ZNF335: variants seen among roughly 807,000 people sequenced by gnomAD.
ZNF335 encodes the protein zinc finger protein 335, also known as NRC-interacting factor 1.
ZNF335 carries 84 observed loss-of-function variants against 145.6 expected under a neutral mutation model. The observed-to-expected ratio is 0.58, with a 90% CI of 0.48 to 0.69. The LOEUF is 0.69. Ranked by LOEUF, ZNF335 falls within the 30% of genes least tolerant of loss-of-function variation. The probability of loss-of-function intolerance (pLI) is 0.00; values close to 1 mark genes in which losing one functional copy is unlikely to be tolerated. For missense variants in ZNF335, 1,865 were observed against 1,809.7 expected (o/e 1.03, Z -0.55); for synonymous variants, 761 against 717.0 (o/e 1.06, Z -0.98).
chr20:45,956,642 C>T (rs2083733950), intron 17 of ZNF335, among the ~76,000 whole-genome samples: 1 of 151,890 alleles, frequency 6.6e-6, no homozygotes. Flanking sequence ...TAGAAACAGA[C>T]TCCTACATAT....
intron 9 of ZNF335, among the ~76,000 whole-genome samples, chr20:45,962,517 C>T (rs371041509): frequency 1.3e-5 from 2 of 152,196 alleles, no homozygotes; most frequent in South Asian, 2.1e-4. Context: ...CACTGCGTCA[C>T]GAGACATCTT....
In ZNF335 at chr20:45,949,977, C is replaced by T. The variant is rs1277003347; in HGVS notation, c.3580G>A (p.Val1194Met). Residue 1194 changes from valine (V) to methionine (M), a missense_variant, in exon 23 of 28, where the codon GTG becomes ATG. Coordinates refer to ENST00000322927, the MANE Select transcript of ZNF335 (RefSeq NM_022095.4). ...EHIIVAQEQT[V>M]TNQEEAAYIQ... ...GTCCTGACTCTTACCTGATTGGTCA[C>T]TGTCTGTTCCTGGGCAACGATGATG... The T allele has an allele frequency of 1.9e-6, 3 of 1,614,038 alleles. No homozygotes were observed. Among genetic ancestry groups the T allele is most frequent in the East Asian group, 2.2e-5 (1 of 44,902 alleles).
rs746526831 is a variant in ZNF335, at chr20:45,950,601, G to A, written c.3190-6C>T. Reference sequence around the variant, plus strand: ...GAGTGCTGTGCCATGTGCGCCTGCAGAGAGGGCAGAGTTGGGGGCATTGGC... The same window carrying A: ...GAGTGCTGTGCCATGTGCGCCTGCAAAGAGGGCAGAGTTGGGGGCATTGGC... On this transcript the variant is annotated splice_region_variant and splice_polypyrimidine_tract_variant and intron_variant, in intron 20 of 27. Transcript: ENST00000322927. The A allele has an allele frequency of 5.0e-5, 81 of 1,613,558 alleles. No homozygotes were observed. The South Asian group carries it at 8.2e-4, about 16-fold the overall frequency.
chr20:45,969,815 T>C (rs765883950), intron 2 of ZNF335, 124 bp from the exon 3 acceptor site: 2 of 1,367,910 alleles, frequency 1.5e-6, no homozygotes, highest in Non-Finnish European at 2.0e-6. Flanking sequence ...GAGCCACTCA[T>C]GCCCTCAGCC....
rs760722302 is a variant in ZNF335, at chr20:45,952,357, A to T, written c.2979T>A (p.Pro993=). The change falls in exon 20 of 28, where the codon CCT becomes CCA. Residue 993 remains proline (P), a synonymous_variant. Coordinates refer to ENST00000322927, the MANE Select transcript of ZNF335 (RefSeq NM_022095.4). ...VGDSQSSASS[P]PATSKALGLA... is the part of the protein sequence containing the mutation. ...GGCCCAGGGCTTTGCTGGTTGCAGG[A>T]GGTGAGGAGGCAGAGCTCTGGGAGT... The T allele has an allele frequency of 1.1e-5, 17 of 1,612,050 alleles. No individual in the cohort carries two copies. Among genetic ancestry groups the T allele is most frequent in the Non-Finnish European group, 1.4e-5 (16 of 1,179,200 alleles).
In ZNF335 at chr20:45,965,652, G is replaced by C; in HGVS notation, c.1078C>G (p.Leu360Val). ...RPGRPRKLPR[L>V]EISDLPDGVE... ...CCATCTGGGAGGTCTGAGATCTCCA[G>C]GCGGGGCAGCTTCCGGGGCCGGCCA... Residue 360 changes from leucine to valine, a missense_variant, in exon 7 of 28, where the codon CTG becomes GTG. Transcript: ENST00000322927. 1 of 1,600,476 alleles carries C rather than the reference G, an allele frequency of 6.2e-7. No individual in the cohort carries two copies. The highest frequency in any genetic ancestry group is 8.5e-7 in the Non-Finnish European group (1 of 1,174,774).
At chr20:45,962,229 C>T (rs1177210483) in intron 9 of ZNF335, 47 bp from the exon 10 acceptor site, 1 of 1,465,442 alleles carries the variant, frequency 6.8e-7, no homozygotes, top group South Asian at 1.1e-5. Context: ...GGCCTCCTCT[C>T]CCATCCCCGT....
chr20:45,968,236 T>TC, intron 4 of ZNF335, 49 bp downstream of exon 4: 3 of 1,582,292 alleles, frequency 1.9e-6, no homozygotes, highest in Non-Finnish European at 2.6e-6. Context: ...TCCTCACCTA[T>TC]CCCCCTGCCC....
At position 45,950,445 on chromosome 20, in the gene ZNF335, G is replaced by C; in HGVS notation, c.3332+8C>G. ...CAGCAGTCCCCACCCACCAGTATCT[G>C]GCCTCACCGCTGCCCGCAGAGGTGG... is the stretch of plus-strand genomic sequence containing the variant. On this transcript the variant is annotated splice_region_variant and intron_variant, in intron 21 of 27. Transcript: ENST00000322927. 2 of 1,614,190 alleles carry C rather than the reference G, an allele frequency of 1.2e-6. No individual in the cohort carries two copies. Among genetic ancestry groups the C allele is most frequent in the Non-Finnish European group, 1.7e-6 (2 of 1,180,020 alleles).
chr20:45,968,044 C>T lies in ZNF335; in HGVS notation c.521-17G>A. On this transcript the variant is annotated splice_polypyrimidine_tract_variant and intron_variant, in intron 4 of 27. Transcript: ENST00000322927. ...TGGGGGCTCCTGGGGATGGGTGAGG[C>T]AATTGGAGGGTGGTTAAATGGAGGG... The T allele has an allele frequency of 6.2e-7, 1 of 1,612,000 alleles. No homozygotes were observed. Among genetic ancestry groups the T allele is most frequent in the Non-Finnish European group, 8.5e-7 (1 of 1,179,876 alleles).
rs772104103 is a variant in ZNF335 at position 45,950,617 on chromosome 20, G to A, written c.3190-22C>T. ...GCGCCTGCAGAGAGGGCAGAGTTGG[G>A]GGCATTGGCTGGGTCAGGACAGATG... On this transcript the variant is annotated intron_variant, in intron 20 of 27. Transcript: ENST00000322927. 5 of 1,613,252 alleles carry A rather than the reference G, an allele frequency of 3.1e-6. No homozygotes were observed. In the African/African-American group the frequency reaches 5.3e-5, roughly 17 times the overall value.
rs1330196881 is a variant in ZNF335 at position 45,953,740 on chromosome 20, A to C, written c.2651T>G (p.Ile884Ser). ...GPFGGTGYSV[I>S]TAPPMEEGTS... ...TCCCTCCTCCATAGGGGGTGCTGTGATGACACTGTAGCCAGTCCCACCAAA... is the reference window on the plus strand; with the variant it reads ...TCCCTCCTCCATAGGGGGTGCTGTGCTGACACTGTAGCCAGTCCCACCAAA... The change falls in exon 18 of 28, where the codon ATC becomes AGC. Residue 884 changes from isoleucine (I) to serine (S), a missense_variant. Coordinates refer to ENST00000322927, the MANE Select transcript of ZNF335 (RefSeq NM_022095.4). 1.2e-5 allele frequency: 20 copies of C among 1,613,968 alleles called. No homozygotes were observed. Among genetic ancestry groups the C allele is most frequent in the Non-Finnish European group, 1.6e-5 (19 of 1,180,028 alleles).
chr20:45,959,465 T>C (rs756578235), intron 14 of ZNF335, 32 bp from the exon 15 acceptor site: 6 of 1,398,888 alleles, frequency 4.3e-6, no homozygotes, highest in Non-Finnish European at 4.7e-6. Flanking sequence ...TGCTTAAGTC[T>C]GCCCGTCCCT....
chr20:45,964,141 G>T, intron 7 of ZNF335, 151 bp from the exon 8 acceptor site: 2 of 959,200 alleles, frequency 2.1e-6, no homozygotes, highest in Non-Finnish European at 2.9e-6. Context: ...ACAGCCTGTG[G>T]TTAGAGGGCA....
In ZNF335 at chr20:45,971,239, G is replaced by A; in HGVS notation, c.172C>T (p.Gln58Ter). 2 of 1,550,890 alleles carry A rather than the reference G, an allele frequency of 1.3e-6. No homozygotes were observed. The highest frequency in any genetic ancestry group is 1.7e-6 in the Non-Finnish European group (2 of 1,151,862). Reference sequence around the variant, plus strand: ...GAACGGCTGCCGCGGTCCGAGCTTTGCCCCACGCCAGAGTCATCGGCCTCT... The same window carrying A: ...GAACGGCTGCCGCGGTCCGAGCTTTACCCCACGCCAGAGTCATCGGCCTCT... ...QAEADDSGVG[Q>*]SSDRGSRSQE... The change falls in exon 2 of 28, where the codon CAA becomes TAA. Residue 58 changes from glutamine (Q) to a stop codon, truncating the protein, a stop_gained. Coordinates refer to ENST00000322927, the MANE Select transcript of ZNF335 (RefSeq NM_022095.4). LOFTEE classifies it high-confidence loss of function.
intron 15 of ZNF335, among the ~76,000 whole-genome samples, chr20:45,958,947 G>A (rs181476962): frequency 1.4e-4 from 22 of 152,272 alleles, no homozygotes; most frequent in Non-Finnish European, 2.5e-4. Flanking sequence ...CTAGACTGCC[G>A]ACCTGTGGAA....
At chr20:45,962,917 G>A (rs1030025973) in intron 9 of ZNF335, among the ~76,000 whole-genome samples, 1 of 149,084 alleles carries the variant, frequency 6.7e-6, no homozygotes, top group Non-Finnish European at 1.5e-5. Context: ...GGGTTCAAGC[G>A]ATTCTCCTGC....
At chr20:45,955,275 C>T (rs1420870026) in intron 17 of ZNF335, among the ~76,000 whole-genome samples, 1 of 129,334 alleles carries the variant, frequency 7.7e-6, no homozygotes, top group Admixed American at 9.5e-5. Flanking sequence ...GGTGTGAACC[C>T]GGGAGGCGGA....
intron 9 of ZNF335, 47 bp downstream of exon 9, chr20:45,963,426 G>GT (rs2083887879): frequency 6.3e-7 from 1 of 1,577,220 alleles, no homozygotes; most frequent in South Asian, 1.1e-5. Flanking sequence ...GCCTCTGCTT[G>GT]CCTTCTTCAC....
Sources: gnomAD v4.1 joint callset for allele counts (sites outside exome capture counted in the v4.1 genomes callset) on GRCh38, gnomAD v4.1.1 for gene constraint, MANE v1.5 for transcripts, NCBI Gene and HGNC (gene_info 2026-07-23, HGNC 2026-07-21) for gene names.